The following SAXO1 variants were observed in gnomAD, a reference collection of about 807,000 sequenced individuals.
SAXO1 encodes the protein stabilizer of axonemal microtubules 1.
SAXO1 carries 21 observed loss-of-function variants against 17.5 expected under a neutral mutation model. The ratio of observed to expected loss-of-function variants is 1.20; its 90% CI spans 0.85 to 1.72. The LOEUF (loss-of-function observed/expected upper bound fraction) is 1.72, where lower values mean the gene tolerates loss of function less well. SAXO1 is among the 40% of genes most tolerant of loss of function. The probability of loss-of-function intolerance (pLI) is 0.00; values close to 1 mark genes in which losing one functional copy is unlikely to be tolerated. For missense variants in SAXO1, 843 were observed against 596.0 expected (o/e 1.41, Z -4.32); for synonymous variants, 274 against 216.5 (o/e 1.27, Z -2.33).
Position 18,990,072 on chromosome 9 carries a change from C to G in SAXO1, c.39-39135G>C, listed in dbSNP as rs1360631712. 9.9e-5 allele frequency among the ~76,000 whole-genome samples: 15 copies of G among 152,098 alleles called. 1 individual carries two copies. The highest frequency in any genetic ancestry group is 9.2e-4 in the Admixed American group (14 of 15,278). On this transcript the variant is annotated intron_variant, in intron 1 of 3. Coordinates refer to ENST00000380534, the MANE Select transcript of SAXO1 (RefSeq NM_153707.4). ...ACAGATGTTCCAAAGGATTAAGCAACTGGCCCAATGCCACATAGGTACGCT... is the reference window on the plus strand; with the variant it reads ...ACAGATGTTCCAAAGGATTAAGCAAGTGGCCCAATGCCACATAGGTACGCT...
At chr9:19,006,510 C>T (rs1031163705) in intron 1 of SAXO1, among the ~76,000 whole-genome samples, 3 of 152,102 alleles carry the variant, frequency 2.0e-5, no homozygotes, top group East Asian at 1.9e-4. Flanking sequence ...TGAAATAAGC[C>T]GGTCACAACA....
chr9:18,933,891 A>C (rs1831169025), intron 3 of SAXO1, among the ~76,000 whole-genome samples: 1 of 152,152 alleles, frequency 6.6e-6, no homozygotes, highest in South Asian at 2.1e-4. Flanking sequence ...CTAAAAATAC[A>C]ACAAATTAGC....
chr9:19,038,880 T>C (rs1836010054), intron 1 of SAXO1, among the ~76,000 whole-genome samples: 1 of 152,116 alleles, frequency 6.6e-6, no homozygotes, highest in East Asian at 1.9e-4. Flanking sequence ...GAAACCACTA[T>C]AAACAGTATT....
At chr9:19,026,231 A>T (rs1481693245) in intron 1 of SAXO1, among the ~76,000 whole-genome samples, 1 of 152,190 alleles carries the variant, frequency 6.6e-6, no homozygotes, top group Non-Finnish European at 1.5e-5. Context: ...AATATGTACA[A>T]TCATTATGTA....
At chr9:18,961,731 C>T (rs1329232141) in intron 1 of SAXO1, among the ~76,000 whole-genome samples, 2 of 152,204 alleles carry the variant, frequency 1.3e-5, no homozygotes, top group Admixed American at 1.3e-4. Context: ...TTAATCCAGT[C>T]TATCATTGAT....
chr9:18,978,602 T>C (rs1177469736), intron 1 of SAXO1, among the ~76,000 whole-genome samples: 1 of 152,244 alleles, frequency 6.6e-6, no homozygotes, highest in Non-Finnish European at 1.5e-5. Flanking sequence ...CACTCGCAGA[T>C]GCCCCACTTT....
chr9:18,977,705 C>T (rs953734), intron 1 of SAXO1, among the ~76,000 whole-genome samples: 106,341 of 151,898 alleles, frequency 0.7, 37,546 homozygotes, highest in Non-Finnish European at 0.76. Context: ...CAAAGAAAGT[C>T]CACAACTGCC....
Position 18,989,505 on chromosome 9 carries a change from C to A in SAXO1, c.39-38568G>T, listed in dbSNP as rs1387413070. 5.3e-5 allele frequency among the ~76,000 whole-genome samples: 8 copies of A among 151,964 alleles called. No homozygotes were observed. The South Asian group carries it at 8.3e-4, about 16-fold the overall frequency. On this transcript the variant is annotated intron_variant, in intron 1 of 3. Transcript: ENST00000380534. ...ATATACATTTAATGTATACAGATGA[C>A]CAATTCATACAGAGCATGAGCTAAA...
chr9:19,009,214 A>G (rs1046585440), intron 1 of SAXO1, among the ~76,000 whole-genome samples: 5 of 150,228 alleles, frequency 3.3e-5, no homozygotes, highest in Admixed American at 6.7e-5. Flanking sequence ...GTAAAAAAAA[A>G]TCTTCACATT....
chr9:18,935,030 C>T (rs1348010972), intron 3 of SAXO1, among the ~76,000 whole-genome samples: 1 of 152,092 alleles, frequency 6.6e-6, no homozygotes. Flanking sequence ...CGGGTTCAAG[C>T]GATTCTCCTG....
At chr9:18,979,754 T>A (rs1350670196) in intron 1 of SAXO1, among the ~76,000 whole-genome samples, 4 of 152,148 alleles carry the variant, frequency 2.6e-5, no homozygotes, top group African/African-American at 9.7e-5. Context: ...GGCAGGAGGA[T>A]CACTTGAGCC....
intron 1 of SAXO1, chr9:19,028,003 A>C: frequency 6.2e-7 from 1 of 1,600,736 alleles, no homozygotes; most frequent in East Asian, 2.2e-5. Context: ...GGCCCAGTGC[A>C]AGGCTGTGTC....
rs530854072 is a variant in SAXO1, at chr9:19,006,108, T to TA, written c.38+26762dup. ...ACAACCATTTGGATGGTTATTATTT[T>TA]AAAAAAGAAAGAGAAATGTTGGCAA... On this transcript the variant is annotated intron_variant, in intron 1 of 3. Transcript: ENST00000380534. Among the ~76,000 whole-genome samples the TA allele has an allele frequency of 3.0e-3, 460 of 152,292 alleles. 8 individuals carry two copies. In the South Asian group the frequency reaches 0.044, roughly 15 times the overall value.
intron 1 of SAXO1, among the ~76,000 whole-genome samples, chr9:18,957,502 C>G (rs1832302135): frequency 6.6e-6 from 1 of 152,202 alleles, no homozygotes; most frequent in Non-Finnish European, 1.5e-5. Flanking sequence ...AGTTCAGACT[C>G]TTAAAGGATT....
At chr9:18,969,311 G>A (rs1419752207) in intron 1 of SAXO1, among the ~76,000 whole-genome samples, 1 of 152,138 alleles carries the variant, frequency 6.6e-6, no homozygotes, top group Non-Finnish European at 1.5e-5. Context: ...TGGCCTTTTA[G>A]TGTCCTCCAG....
intron 1 of SAXO1, among the ~76,000 whole-genome samples, chr9:19,042,527 G>A (rs1409537631): frequency 1.3e-5 from 2 of 152,224 alleles, no homozygotes; most frequent in African/African-American, 2.4e-5. Context: ...CAATAGCCAA[G>A]ATTTGGAAGC....
At chr9:19,026,849 T>C (rs1320115762) in intron 1 of SAXO1, 2 of 621,346 alleles carry the variant, frequency 3.2e-6, no homozygotes, top group Admixed American at 2.0e-5. Context: ...GCCAACATGG[T>C]GAAACCCCAT....
At chr9:19,023,166 G>T (rs1835320369) in intron 1 of SAXO1, among the ~76,000 whole-genome samples, 1 of 29,982 alleles carries the variant, frequency 3.3e-5, no homozygotes, top group African/African-American at 1.6e-4. Flanking sequence ...CGCCCCACCG[G>T]AGTTAATTCT....
chr9:18,929,154 G>A (rs1170306533), intron 3 of SAXO1, 99 bp from the exon 4 acceptor site: 10 of 1,339,216 alleles, frequency 7.5e-6, no homozygotes, highest in Non-Finnish European at 1.0e-6. Flanking sequence ...CTCCGATGAA[G>A]TGTTCTTTGA....
Sources: allele counts gnomAD v4.1 joint callset (sites outside exome capture counted in the v4.1 genomes callset), GRCh38; gene constraint gnomAD v4.1.1; transcripts MANE v1.5; gene names NCBI Gene and HGNC (gene_info 2026-07-23, HGNC 2026-07-21).